SCN11A: variants seen among roughly 807,000 people sequenced by gnomAD.
SCN11A encodes sodium channel protein type 11 subunit alpha.
SCN11A carries 122 observed loss-of-function variants against 162.2 expected under a neutral mutation model. The ratio of observed to expected loss-of-function variants is 0.75; its 90% CI spans 0.65 to 0.87. The LOEUF (loss-of-function observed/expected upper bound fraction) is 0.87, where lower values mean the gene tolerates loss of function less well. Among genes scored for constraint, SCN11A ranks in the 40% least tolerant of loss-of-function variants. The pLI, the probability that SCN11A is intolerant of heterozygous loss-of-function variation, is 0.00. For missense variants in SCN11A, 2,015 were observed against 2,181.6 expected (o/e 0.92, Z 1.52); for synonymous variants, 758 against 751.5 (o/e 1.01, Z -0.14).
intron 7 of SCN11A, among the ~76,000 whole-genome samples, chr3:38,928,151 A>T (rs2066173407): frequency 6.6e-6 from 1 of 152,236 alleles, no homozygotes; most frequent in African/African-American, 2.4e-5. Flanking sequence ...TAAAAAATTA[A>T]CTCAATATGG....
intron 2 of SCN11A, among the ~76,000 whole-genome samples, chr3:38,968,606 GCA>G (rs535909930): frequency 2.6e-5 from 4 of 152,040 alleles, no homozygotes; most frequent in African/African-American, 7.3e-5. Context: ...ACACACACGT[GCA>G]CACACACATA....
intron 12 of SCN11A, 129 bp downstream of exon 12, chr3:38,909,937 G>T: frequency 1.1e-6 from 1 of 934,346 alleles, no homozygotes; most frequent in Non-Finnish European, 1.6e-6. Context: ...TTAAAGATGA[G>T]ACAGATGATA....
chr3:38,945,399 A>C lies in SCN11A; in HGVS notation c.488+12T>G. On this transcript the variant is annotated intron_variant, in intron 7 of 29. Coordinates refer to ENST00000302328, the MANE Select transcript of SCN11A (RefSeq NM_001349253.2). ...AAAACTTAGGACAGGTGAGTGAAGG[A>C]AAAATACTTACTCTGCAATGTCAGT... 1 of 1,591,336 alleles carries C rather than the reference A, an allele frequency of 6.3e-7. No homozygotes were observed. The highest frequency in any genetic ancestry group is 1.1e-5 in the South Asian group (1 of 89,598).
intron 12 of SCN11A, among the ~76,000 whole-genome samples, chr3:38,909,647 A>T (rs1355225818): frequency 1.4e-5 from 2 of 138,020 alleles, no homozygotes; most frequent in Non-Finnish European, 3.1e-5. Context: ...CAGTGGTGTG[A>T]TCTCGGCTCA....
chr3:38,929,375 T>C (rs1205727874), intron 7 of SCN11A, among the ~76,000 whole-genome samples: 2 of 152,132 alleles, frequency 1.3e-5, no homozygotes, highest in East Asian at 1.9e-4. Context: ...GATCCACTTA[T>C]ATGAGGCAGG....
rs1162567811 is a variant in SCN11A, at chr3:38,894,591, A to G, written c.2777T>C (p.Val926Ala). Reference sequence around the variant, plus strand: ...TGCATTATCTTCACCAGAAAATTCAACGTCATCTTCCTCCTCCGCAAGTGG... The same window carrying G: ...TGCATTATCTTCACCAGAAAATTCAGCGTCATCTTCCTCCTCCGCAAGTGG... Reference protein sequence around the residue: ...LAPLAEEEDDVEFSGEDNAQR... With the variant: ...LAPLAEEEDDAEFSGEDNAQR... The change falls in exon 19 of 30, where the codon GTT (valine) becomes GCT (alanine). Residue 926 changes from valine to alanine, a missense_variant. Transcript: ENST00000302328. 2.5e-6 allele frequency: 4 copies of G among 1,613,790 alleles called. No homozygotes were observed. The highest frequency in any genetic ancestry group is 3.4e-6 in the Non-Finnish European group (4 of 1,179,924).
chr3:38,871,415 C>T, intron 25 of SCN11A, 30 bp downstream of exon 25: 1 of 1,541,338 alleles, frequency 6.5e-7, no homozygotes, highest in Non-Finnish European at 8.7e-7. Flanking sequence ...TTTTTCTCCT[C>T]AGAGTGAAAA....
rs546747515 is a variant in SCN11A, at chr3:38,987,535, A to T, written c.-279-27112T>A. On this transcript the variant is annotated intron_variant, in intron 2 of 29. Transcript: ENST00000302328. ...TGAGGAAAGTAGTAATCTCCCCAAG[A>T]CACTCTGAGATCCAAGACTTTTCTC... 1.8e-4 allele frequency among the ~76,000 whole-genome samples: 28 copies of T among 152,242 alleles called. No homozygotes were observed. The Middle Eastern group carries it at 0.017, about 92-fold the overall frequency.
intron 7 of SCN11A, among the ~76,000 whole-genome samples, chr3:38,927,591 T>C (rs79890221): frequency 0.067 from 10,168 of 152,214 alleles, 399 homozygotes; most frequent in Middle Eastern, 0.11. Context: ...ATAGGGTAAT[T>C]TATCATGGAA....
At chr3:38,895,298 C>A (rs918009830) in intron 18 of SCN11A, among the ~76,000 whole-genome samples, 2 of 152,134 alleles carry the variant, frequency 1.3e-5, no homozygotes, top group Non-Finnish European at 2.9e-5. Context: ...TGAGGAACAG[C>A]TGGATAGTGA....
Position 38,945,446 on chromosome 3 carries a change from A to G in SCN11A, c.453T>C (p.Ala151=), listed in dbSNP as rs773933528. 6.5e-5 allele frequency: 105 copies of G among 1,609,440 alleles called. 1 individual carries two copies. In the South Asian group the frequency reaches 8.7e-4, roughly 13 times the overall value. The part of the protein sequence containing the change: ...INCVFMATGP[A]KNSNSNNTDI... ...CAGTATTGTTACTGTTGCTGTTTTT[A>G]GCAGGCCCTGTAGCCATGAACACGC... Residue 151 remains alanine, a synonymous_variant, in exon 7 of 30, where the codon GCT becomes GCC. Coordinates refer to ENST00000302328, the MANE Select transcript of SCN11A (RefSeq NM_001349253.2).
At chr3:38,911,156 C>T (rs893594274) in intron 11 of SCN11A, among the ~76,000 whole-genome samples, 5 of 152,100 alleles carry the variant, frequency 3.3e-5, no homozygotes, top group Non-Finnish European at 7.4e-5. Flanking sequence ...TTTTTCTTGG[C>T]TTTTTCATGT....
intron 22 of SCN11A, among the ~76,000 whole-genome samples, chr3:38,882,701 T>C (rs544271072): frequency 3.3e-5 from 5 of 152,218 alleles, no homozygotes; most frequent in African/African-American, 7.2e-5. Context: ...CTAAATCTCA[T>C]TGGGACTCAT....
chr3:38,995,799 G>GTCTATCTATCTATCTA (rs745582413), intron 2 of SCN11A, among the ~76,000 whole-genome samples: 1 of 131,380 alleles, frequency 7.6e-6, no homozygotes, highest in Non-Finnish European at 1.6e-5. Context: ...ACAATAAATT[G>GTCTATCTATCTATCTA]TCTATCTATC....
Position 38,858,023 on chromosome 3 carries a change from A to T in SCN11A, c.4056+5172T>A, listed in dbSNP as rs534478535. ...TTCTAAATTATGAAACAAACCTTGA[A>T]ATACACCAAAACAAAACAAAACAAA... On this transcript the variant is annotated intron_variant, in intron 28 of 29. Transcript: ENST00000302328. Among the ~76,000 whole-genome samples, 3 of 152,256 alleles carry T rather than the reference A, an allele frequency of 2.0e-5. No homozygotes were observed. The South Asian group carries it at 6.2e-4, about 32-fold the overall frequency.
chr3:38,908,600 T>C (rs2065837695), intron 13 of SCN11A, among the ~76,000 whole-genome samples: 1 of 151,540 alleles, frequency 6.6e-6, no homozygotes, highest in Admixed American at 6.6e-5. Context: ...CAGGGAGAGG[T>C]GAACATTATT....
chr3:38,856,300 G>C (rs2064868298), intron 28 of SCN11A, among the ~76,000 whole-genome samples: 1 of 152,174 alleles, frequency 6.6e-6, no homozygotes, highest in Non-Finnish European at 1.5e-5. Flanking sequence ...CAGCCTGTCT[G>C]GAACAATCCA....
At chr3:38,944,134 C>G (rs1463203549) in intron 7 of SCN11A, among the ~76,000 whole-genome samples, 2 of 151,944 alleles carry the variant, frequency 1.3e-5, no homozygotes, top group South Asian at 2.1e-4. Context: ...TCTAACCCAT[C>G]TGGAAATTAA....
chr3:38,846,651 A>C lies in SCN11A; in HGVS notation c.*43T>G. 2 of 1,538,412 alleles carry C rather than the reference A, an allele frequency of 1.3e-6. No homozygotes were observed. Among genetic ancestry groups the C allele is most frequent in the Non-Finnish European group, 1.8e-6 (2 of 1,115,682 alleles). On this transcript the variant is annotated 3_prime_UTR_variant, in exon 30 of 30. Coordinates refer to ENST00000302328, the MANE Select transcript of SCN11A (RefSeq NM_001349253.2). ...CTGACCCCTGGAGCTCAGAGGCTGA[A>C]GGCAAGGCTGTGAAGCTATGAGGTA...
Sources: allele counts gnomAD v4.1 joint callset (sites outside exome capture counted in the v4.1 genomes callset), GRCh38; gene constraint gnomAD v4.1.1; transcripts MANE v1.5; gene names NCBI Gene and HGNC (gene_info 2026-07-23, HGNC 2026-07-21).